Variants in ITIH2 observed in about 807,000 individuals in gnomAD.
ITIH2 encodes the protein inter-alpha-trypsin inhibitor heavy chain H2.
ITIH2 carries 103 observed loss-of-function variants against 104.4 expected under a neutral mutation model. The ratio of observed to expected loss-of-function variants is 0.99; its 90% CI spans 0.84 to 1.16. ITIH2 has a LOEUF of 1.16. Ranked by LOEUF, ITIH2 falls within the 50% of genes most tolerant of loss-of-function variation. ITIH2 has a pLI of 0.00. For synonymous variants in ITIH2, 436 were observed against 435.4 expected (o/e 1.00, Z -0.02); for missense variants, 1,108 against 1,162.4 (o/e 0.95, Z 0.68).
At position 7,727,703 on chromosome 10, in the gene ITIH2, G is replaced by A. The variant is rs146198523; in HGVS notation, c.1154G>A (p.Gly385Asp). ...ACGTTTCATTATGCTACTTCAACAGGCACAAACATCAACGAAGCACTCCTA... is the reference window on the plus strand; with the variant it reads ...ACGTTTCATTATGCTACTTCAACAGACACAAACATCAACGAAGCACTCCTA... Reference protein sequence around the residue: ...RYIEKIQPSGGTNINEALLRA... With the variant: ...RYIEKIQPSGDTNINEALLRA... Residue 385 changes from glycine to aspartate, a missense_variant and splice_region_variant, in exon 11 of 21, where the codon GGC becomes GAC. Gly to Asp is a moderately conservative substitution (Grantham distance 94, BLOSUM62 -1). Coordinates refer to ENST00000358415, the MANE Select transcript of ITIH2 (RefSeq NM_002216.3). 2.4e-4 allele frequency: 382 copies of A among 1,613,812 alleles called. No individual in the cohort carries two copies. Among genetic ancestry groups the A allele is most frequent in the Admixed American group, 4.3e-4 (26 of 59,986 alleles).
chr10:7,743,769 A>C (rs1835148772), intron 17 of ITIH2, among the ~76,000 whole-genome samples: 1 of 152,170 alleles, frequency 6.6e-6, no homozygotes, highest in Non-Finnish European at 1.5e-5. Context: ...TGACAGAGTA[A>C]GACTCCGTCT....
In ITIH2 at chr10:7,727,120, T is replaced by A. The variant is rs778746391; in HGVS notation, c.1153+2T>A. 6.2e-7 allele frequency: 1 copy of A among 1,612,142 alleles called. No homozygotes were observed. Among genetic ancestry groups the A allele is most frequent in the Non-Finnish European group, 8.5e-7 (1 of 1,178,798 alleles). On this transcript the variant is annotated splice_donor_variant, in intron 10 of 20. Coordinates refer to ENST00000358415, the MANE Select transcript of ITIH2 (RefSeq NM_002216.3). LOFTEE classifies it high-confidence loss of function. ...TTGAGAAAATCCAGCCCAGTGGAGGTGAGTGTGTTGGGCTAAATCCCAAGG... is the reference window on the plus strand; with the variant it reads ...TTGAGAAAATCCAGCCCAGTGGAGGAGAGTGTGTTGGGCTAAATCCCAAGG...
chr10:7,721,286 C>G (rs1834900100), intron 7 of ITIH2, among the ~76,000 whole-genome samples: 1 of 152,186 alleles, frequency 6.6e-6, no homozygotes, highest in African/African-American at 2.4e-5. Context: ...ACATGTTCAG[C>G]TCTCTGCCTC....
At chr10:7,735,166 C>T (rs1470472648) in intron 15 of ITIH2, 75 bp downstream of exon 15, 2 of 1,347,674 alleles carry the variant, frequency 1.5e-6, no homozygotes, top group Non-Finnish European at 2.0e-6. Flanking sequence ...CCTAGTGCCT[C>T]CGCTCTCTCC....
chr10:7,726,452 G>A (rs1588456029), intron 9 of ITIH2, among the ~76,000 whole-genome samples: 1 of 152,210 alleles, frequency 6.6e-6, no homozygotes, highest in Non-Finnish European at 1.5e-5. Context: ...AAAATGTATG[G>A]GTACAAATAT....
intron 16 of ITIH2, among the ~76,000 whole-genome samples, chr10:7,741,823 T>C (rs543278742): frequency 4.0e-4 from 61 of 152,354 alleles, no homozygotes; most frequent in African/African-American, 1.4e-3. Flanking sequence ...TCTGGTCGCA[T>C]TGAGTTATTT....
intron 7 of ITIH2, among the ~76,000 whole-genome samples, chr10:7,721,345 A>G (rs914410942): frequency 6.6e-6 from 1 of 152,186 alleles, no homozygotes; most frequent in Non-Finnish European, 1.5e-5. Flanking sequence ...AAACTCCTCT[A>G]AGAGCATTAA....
intron 15 of ITIH2, among the ~76,000 whole-genome samples, chr10:7,736,594 C>G (rs1835058215): frequency 1.3e-5 from 2 of 151,900 alleles, no homozygotes; most frequent in Non-Finnish European, 2.9e-5. Context: ...CCCTTCTGAA[C>G]CTGGTCTGAT....
intron 9 of ITIH2, among the ~76,000 whole-genome samples, chr10:7,725,104 G>C (rs1247778706): frequency 6.6e-6 from 1 of 152,054 alleles, no homozygotes; most frequent in African/African-American, 2.4e-5. Context: ...GAGGGATAGG[G>C]GACAGAGAAT....
At position 7,749,387 on chromosome 10, in the gene ITIH2, C is replaced by A; in HGVS notation, c.*53C>A. On this transcript the variant is annotated 3_prime_UTR_variant, in exon 21 of 21. Transcript: ENST00000358415. ...ATTAATATACATCTTTCCCCTGTCA[C>A]TTTTGCAGATATTCTTCGGTTTGAA... 1 of 1,446,460 alleles carries A rather than the reference C, an allele frequency of 6.9e-7. No individual in the cohort carries two copies. The allele number at this position is 1,446,460 out of a possible 1,614,324, so 89.6% of individuals were successfully genotyped here. A position where few individuals can be genotyped will look rare whatever the true frequency, so the allele number is the denominator to read the frequency against.
In ITIH2 at chr10:7,735,142, G is replaced by C. The variant is rs375740302; in HGVS notation, c.1957+51G>C. 183 of 1,524,492 alleles carry C rather than the reference G, an allele frequency of 1.2e-4. 1 individual carries two copies. In the African/African-American group the frequency reaches 2.1e-3, roughly 17 times the overall value. The allele number at this position is 1,524,492 out of a possible 1,614,324, so 94.4% of individuals were successfully genotyped here. On this transcript the variant is annotated intron_variant, in intron 15 of 20. Coordinates refer to ENST00000358415, the MANE Select transcript of ITIH2 (RefSeq NM_002216.3). The stretch of plus-strand genomic sequence containing the variant: ...GTGGCCAGGCAGCTCTCTTGCCCCG[G>C]GGGTGGGCGAAGTCCTAGTGCCTCC...
At chr10:7,714,080 C>G (rs1834823136) in intron 5 of ITIH2, among the ~76,000 whole-genome samples, 1 of 151,768 alleles carries the variant, frequency 6.6e-6, no homozygotes, top group Non-Finnish European at 1.5e-5. Flanking sequence ...AATGCCAAGC[C>G]ACCCTCAAAA....
intron 4 of ITIH2, among the ~76,000 whole-genome samples, chr10:7,711,924 C>A (rs1834799755): frequency 6.6e-6 from 1 of 152,142 alleles, no homozygotes; most frequent in Non-Finnish European, 1.5e-5. Flanking sequence ...ACCACTCTGA[C>A]CAACCATTAC....
chr10:7,747,110 C>CT (rs1043530032), intron 20 of ITIH2, among the ~76,000 whole-genome samples: 3 of 152,142 alleles, frequency 2.0e-5, no homozygotes, highest in Non-Finnish European at 2.9e-5. Context: ...TCTCTGACTG[C>CT]TTTTTTTGTA....
chr10:7,722,161 G>A (rs1411421673), intron 8 of ITIH2, among the ~76,000 whole-genome samples: 2 of 152,164 alleles, frequency 1.3e-5, no homozygotes, highest in Non-Finnish European at 2.9e-5. Flanking sequence ...AGCCAGCGGT[G>A]AATTTCAAGG....
chr10:7,718,087 T>G (rs929370581), intron 6 of ITIH2, among the ~76,000 whole-genome samples: 1 of 152,086 alleles, frequency 6.6e-6, no homozygotes, highest in Non-Finnish European at 1.5e-5. Context: ...GAAGTCAAGG[T>G]GTCTGCAGAG....
Position 7,743,155 on chromosome 10 carries a change from AC to A in ITIH2, c.2108del (p.Pro703HisfsTer37). The A allele has an allele frequency of 6.6e-7, 1 of 1,506,172 alleles. No homozygotes were observed. The highest frequency in any genetic ancestry group is 9.1e-7 in the Non-Finnish European group (1 of 1,098,396). The allele number at this position is 1,506,172 out of a possible 1,614,324, so 93.3% of individuals were successfully genotyped here. A position where few individuals can be genotyped will look rare whatever the true frequency, so the allele number is the denominator to read the frequency against. On this transcript the variant is annotated frameshift_variant, in exon 17 of 21. Transcript: ENST00000358415. LOFTEE classifies it high-confidence loss of function. ...TTTGTATATTTTCCAGTTGAAAATG[AC>A]CCACATTTCATCATTTATCTACCAA... ...PPPHVMRVEN[D>X]PHFIIYLPKS...
At position 7,727,697 on chromosome 10, in the gene ITIH2, C is replaced by CA; in HGVS notation, c.1154-4dup. 6.2e-7 allele frequency: 1 copy of CA among 1,613,838 alleles called. No homozygotes were observed. The highest frequency in any genetic ancestry group is 8.5e-7 in the Non-Finnish European group (1 of 1,179,826). On this transcript the variant is annotated splice_region_variant and splice_polypyrimidine_tract_variant and intron_variant, in intron 10 of 20. Coordinates refer to ENST00000358415, the MANE Select transcript of ITIH2 (RefSeq NM_002216.3). ...TACCCAACGTTTCATTATGCTACTT[C>CA]AACAGGCACAAACATCAACGAAGCA... is the stretch of plus-strand genomic sequence containing the variant.
intron 4 of ITIH2, among the ~76,000 whole-genome samples, chr10:7,710,081 T>C (rs1468536143): frequency 3.3e-5 from 5 of 152,216 alleles, no homozygotes; most frequent in African/African-American, 1.2e-4. Flanking sequence ...CTCGATCTCT[T>C]GACCTCGTGA....
Sources: gnomAD v4.1 joint callset for allele counts (sites outside exome capture counted in the v4.1 genomes callset) on GRCh38, gnomAD v4.1.1 for gene constraint, MANE v1.5 for transcripts, NCBI Gene and HGNC (gene_info 2026-07-23, HGNC 2026-07-21) for gene names.